Variants in SGCZ observed in about 807,000 individuals in gnomAD.
SGCZ encodes the protein sarcoglycan zeta.
Under a neutral mutation model 41.3 loss-of-function variants are expected in SGCZ, and 40 were observed. The ratio of observed to expected loss-of-function variants is 0.97; its 90% CI spans 0.75 to 1.26. The LOEUF is 1.26. Among genes scored for constraint, SGCZ ranks in the 50% most tolerant of loss-of-function variants. The probability of loss-of-function intolerance (pLI) is 0.00; values close to 1 mark genes in which losing one functional copy is unlikely to be tolerated. For synonymous variants in SGCZ, 206 were observed against 137.5 expected (o/e 1.50, Z -3.49); for missense variants, 552 against 369.8 (o/e 1.49, Z -4.04).
chr8:14,475,388 C>A (rs2116989382), intron 2 of SGCZ, among the ~76,000 whole-genome samples: 1 of 152,162 alleles, frequency 6.6e-6, no homozygotes, highest in African/African-American at 2.4e-5. Context: ...ATGAAAGTAG[C>A]AGCAAACATT....
chr8:14,592,923 G>C (rs1423511739), intron 1 of SGCZ, among the ~76,000 whole-genome samples: 2 of 152,160 alleles, frequency 1.3e-5, no homozygotes, highest in Non-Finnish European at 2.9e-5. Flanking sequence ...GAATCCATTT[G>C]TCTTTAGATA....
At chr8:14,177,113 G>C (rs1361268201) in intron 4 of SGCZ, among the ~76,000 whole-genome samples, 1 of 152,134 alleles carries the variant, frequency 6.6e-6, no homozygotes, top group Non-Finnish European at 1.5e-5. Context: ...TCCTGGAGTG[G>C]TCAGCAACAT....
chr8:14,588,914 C>T (rs1805151254), intron 1 of SGCZ, among the ~76,000 whole-genome samples: 1 of 152,150 alleles, frequency 6.6e-6, no homozygotes, highest in East Asian at 1.9e-4. Context: ...CTACCTCTGA[C>T]TATGACATGG....
intron 1 of SGCZ, among the ~76,000 whole-genome samples, chr8:15,118,664 T>A (rs1312780582): frequency 3.9e-5 from 6 of 152,154 alleles, no homozygotes; most frequent in Non-Finnish European, 2.9e-5. Context: ...TGAGACCCTC[T>A]GATCAGGAGT....
At chr8:14,428,377 G>C (rs1024017624) in intron 2 of SGCZ, among the ~76,000 whole-genome samples, 1 of 151,910 alleles carries the variant, frequency 6.6e-6, no homozygotes, top group Non-Finnish European at 1.5e-5. Flanking sequence ...CAAGGAGTTT[G>C]ACTTACATTA....
intron 1 of SGCZ, among the ~76,000 whole-genome samples, chr8:14,709,442 C>T (rs1244101619): frequency 6.6e-6 from 1 of 152,074 alleles, no homozygotes; most frequent in Non-Finnish European, 1.5e-5. Flanking sequence ...AGCTCAATTA[C>T]TCTTACAGTA....
intron 1 of SGCZ, among the ~76,000 whole-genome samples, chr8:15,208,213 C>A (rs1801131065): frequency 1.3e-5 from 2 of 152,114 alleles, no homozygotes; most frequent in Non-Finnish European, 2.9e-5. Flanking sequence ...TCAGGGTTTG[C>A]TGGAAAACGA....
chr8:15,217,223 T>C lies in SGCZ; in HGVS notation c.39+20362A>G, dbSNP rs551204381. ...ACGAGGTCAGGAGATCGAGACCATCTTGGCTAACACGGTGAAACCCCGTTT... is the reference window on the plus strand; with the variant it reads ...ACGAGGTCAGGAGATCGAGACCATCCTGGCTAACACGGTGAAACCCCGTTT... On this transcript the variant is annotated intron_variant, in intron 1 of 7. Coordinates refer to ENST00000382080, the MANE Select transcript of SGCZ (RefSeq NM_139167.4). 5.6e-3 allele frequency among the ~76,000 whole-genome samples: 845 copies of C among 151,646 alleles called. 4 individuals are homozygous for C. The highest frequency in any genetic ancestry group is 0.031 in the Middle Eastern group (9 of 294).
At chr8:14,909,174 A>G (rs1051317571) in intron 1 of SGCZ, among the ~76,000 whole-genome samples, 2 of 152,148 alleles carry the variant, frequency 1.3e-5, no homozygotes, top group Admixed American at 1.3e-4. Context: ...CCTTATATCA[A>G]TTACTATAAT....
At chr8:15,147,943 G>A (rs1012427029) in intron 1 of SGCZ, among the ~76,000 whole-genome samples, 1 of 152,148 alleles carries the variant, frequency 6.6e-6, no homozygotes, top group African/African-American at 2.4e-5. Context: ...TTGCTTTTCT[G>A]AGATTATAGT....
chr8:14,477,321 T>A (rs1409013625), intron 2 of SGCZ, among the ~76,000 whole-genome samples: 1 of 152,198 alleles, frequency 6.6e-6, no homozygotes, highest in Non-Finnish European at 1.5e-5. Flanking sequence ...AACTTTGAGA[T>A]ACTTACTTTG....
intron 5 of SGCZ, among the ~76,000 whole-genome samples, chr8:14,123,316 G>C (rs1333147706): frequency 6.6e-6 from 1 of 151,950 alleles, no homozygotes; most frequent in Middle Eastern, 3.2e-3. Flanking sequence ...TTTTACAGTT[G>C]TAAACTTAAA....
At chr8:14,940,375 T>C (rs1467993216) in intron 1 of SGCZ, among the ~76,000 whole-genome samples, 1 of 152,108 alleles carries the variant, frequency 6.6e-6, no homozygotes, top group Non-Finnish European at 1.5e-5. Flanking sequence ...AAGCCAATGA[T>C]CTAAATAGAC....
intron 2 of SGCZ, among the ~76,000 whole-genome samples, chr8:14,391,672 G>C (rs1239540040): frequency 6.6e-6 from 1 of 152,048 alleles, no homozygotes; most frequent in Non-Finnish European, 1.5e-5. Flanking sequence ...GTGATCGCTT[G>C]GATTTAGGGA....
At chr8:14,137,521 A>G (rs571519789) in intron 5 of SGCZ, among the ~76,000 whole-genome samples, 1 of 152,344 alleles carries the variant, frequency 6.6e-6, no homozygotes, top group South Asian at 2.1e-4. Context: ...CATGAGAACT[A>G]TGTGATGCAT....
At chr8:15,070,498 G>A (rs1805310187) in intron 1 of SGCZ, among the ~76,000 whole-genome samples, 1 of 152,084 alleles carries the variant, frequency 6.6e-6, no homozygotes, top group Non-Finnish European at 1.5e-5. Context: ...TGATTTTAAG[G>A]TAATAGACTA....
intron 1 of SGCZ, among the ~76,000 whole-genome samples, chr8:15,223,941 A>T (rs946169497): frequency 2.0e-5 from 3 of 151,880 alleles, no homozygotes; most frequent in Non-Finnish European, 4.4e-5. Flanking sequence ...TGTAACCTCC[A>T]CCTCCTGGGT....
intron 2 of SGCZ, among the ~76,000 whole-genome samples, chr8:14,461,787 T>A (rs1800908967): frequency 6.6e-6 from 1 of 152,106 alleles, no homozygotes; most frequent in Non-Finnish European, 1.5e-5. Context: ...TGATTTCACT[T>A]CTTATAAAAA....
intron 1 of SGCZ, among the ~76,000 whole-genome samples, chr8:14,642,330 A>G (rs1807053358): frequency 1.3e-5 from 2 of 151,680 alleles, no homozygotes; most frequent in African/African-American, 4.8e-5. Flanking sequence ...TATAAGAACT[A>G]TACCATCTCC....
Sources: allele counts gnomAD v4.1 joint callset (sites outside exome capture counted in the v4.1 genomes callset), GRCh38; gene constraint gnomAD v4.1.1; transcripts MANE v1.5; gene names NCBI Gene and HGNC (gene_info 2026-07-23, HGNC 2026-07-21).